LOC128092252: variants seen among roughly 807,000 people sequenced by gnomAD.
At chr15:50,666,032 G>A in the LOC128092252 span, among the ~76,000 whole-genome samples, 2 of 151,798 alleles carry the variant, frequency 1.3e-5, no homozygotes, top group Admixed American at 1.3e-4. Flanking sequence ...AAATTAATGA[G>A]CTAACTCTCG....
the LOC128092252 span, among the ~76,000 whole-genome samples, chr15:50,685,457 AAAAC>A: frequency 2.6e-5 from 4 of 152,266 alleles, no homozygotes; most frequent in Non-Finnish European, 5.9e-5. Context: ...ACCCTGTCTC[AAAAC>A]AAACAAACAA....
the LOC128092252 span, among the ~76,000 whole-genome samples, chr15:50,679,925 G>C: frequency 2.5e-4 from 38 of 152,078 alleles, no homozygotes; most frequent in African/African-American, 9.2e-4. Flanking sequence ...CAGAGTATGT[G>C]TCTCTGCACT....
chr15:50,677,531 A>G, the LOC128092252 span, among the ~76,000 whole-genome samples: 52,995 of 150,962 alleles, frequency 0.35, 10,456 homozygotes, highest in Admixed American at 0.48. Context: ...GCAAGGTCAG[A>G]AGTTTGAGAC....
chr15:50,669,618 T>G, the LOC128092252 span, among the ~76,000 whole-genome samples: 1 of 152,170 alleles, frequency 6.6e-6, no homozygotes, highest in African/African-American at 2.4e-5. Flanking sequence ...TAACTTGTCT[T>G]TAGTAAAAAT....
At chr15:50,684,585 C>A in the LOC128092252 span, among the ~76,000 whole-genome samples, 1 of 151,712 alleles carries the variant, frequency 6.6e-6, no homozygotes, top group Admixed American at 6.6e-5. Flanking sequence ...AGGCTGCAGT[C>A]AGCCGAGATC....
chr15:50,668,340 C>G, the LOC128092252 span, among the ~76,000 whole-genome samples: 1 of 152,094 alleles, frequency 6.6e-6, no homozygotes, highest in African/African-American at 2.4e-5. Context: ...CGTCGCTGAT[C>G]CTTTATTTTG....
chr15:50,671,892 G>T, the LOC128092252 span, among the ~76,000 whole-genome samples: 12 of 152,210 alleles, frequency 7.9e-5, no homozygotes, highest in East Asian at 2.3e-3. Context: ...TTTGATATTG[G>T]TGTAAACAAA....
At chr15:50,672,429 T>C in the LOC128092252 span, among the ~76,000 whole-genome samples, 1 of 151,972 alleles carries the variant, frequency 6.6e-6, no homozygotes, top group East Asian at 1.9e-4. Context: ...CAGAAGGCAC[T>C]GTTATCATAG....
the LOC128092252 span, among the ~76,000 whole-genome samples, chr15:50,653,231 G>A: frequency 6.6e-6 from 1 of 152,172 alleles, no homozygotes; most frequent in East Asian, 1.9e-4. Context: ...TGGGAGCATA[G>A]CTTGAGCCGA....
chr15:50,652,134 A>G, the LOC128092252 span, among the ~76,000 whole-genome samples: 2 of 151,390 alleles, frequency 1.3e-5, no homozygotes, highest in African/African-American at 2.4e-5. Flanking sequence ...GGAGTTCGAG[A>G]CCAGCCTGGC....
At chr15:50,673,197 G>C in the LOC128092252 span, among the ~76,000 whole-genome samples, 20 of 152,186 alleles carry the variant, frequency 1.3e-4, no homozygotes, top group Middle Eastern at 3.4e-3. Context: ...GACTCGCCCA[G>C]AACAACTTCC....
the LOC128092252 span, among the ~76,000 whole-genome samples, chr15:50,683,037 C>G: frequency 6.6e-6 from 1 of 151,882 alleles, no homozygotes; most frequent in African/African-American, 2.4e-5. Flanking sequence ...TGCGCATCAC[C>G]ATGCCCAGCT....
chr15:50,676,253 A>T, the LOC128092252 span, among the ~76,000 whole-genome samples: 7 of 152,210 alleles, frequency 4.6e-5, no homozygotes, highest in Middle Eastern at 3.2e-3. Context: ...GGGGGAAAAA[A>T]TTAAAGATTC....
At chr15:50,662,667 G>C in the LOC128092252 span, among the ~76,000 whole-genome samples, 1 of 152,084 alleles carries the variant, frequency 6.6e-6, no homozygotes, top group Non-Finnish European at 1.5e-5. Context: ...AAAAATAAGA[G>C]AGTCTTAACT....
chr15:50,677,573 T>C, the LOC128092252 span, among the ~76,000 whole-genome samples: 2 of 151,258 alleles, frequency 1.3e-5, no homozygotes, highest in African/African-American at 4.9e-5. Flanking sequence ...ACCCCATCCC[T>C]ACTAAAAACA....
At chr15:50,676,559 T>C in the LOC128092252 span, among the ~76,000 whole-genome samples, 49,888 of 151,624 alleles carry the variant, frequency 0.33, 10,012 homozygotes, top group Admixed American at 0.47. Context: ...TCTCTATCGT[T>C]TAAATTTTTT....
At chr15:50,672,930 A>G in the LOC128092252 span, among the ~76,000 whole-genome samples, 114 of 140,274 alleles carry the variant, frequency 8.1e-4, no homozygotes, top group African/African-American at 2.9e-3. Flanking sequence ...AAAAAAGCTT[A>G]TAGAATAAGT....
At chr15:50,655,452 A>AC in the LOC128092252 span, among the ~76,000 whole-genome samples, 1 of 144,460 alleles carries the variant, frequency 6.9e-6, no homozygotes, top group South Asian at 2.1e-4. Context: ...AAAAAACAAA[A>AC]AAACAAAAAA....
the LOC128092252 span, among the ~76,000 whole-genome samples, chr15:50,677,757 AAAAC>A: frequency 1.1e-4 from 16 of 149,616 alleles, no homozygotes; most frequent in Admixed American, 1.0e-3. Flanking sequence ...AAAAAAAAAA[AAAAC>A]AAAAGGTAAC....
Sources: gnomAD v4.1 joint callset for allele counts (sites outside exome capture counted in the v4.1 genomes callset) on GRCh38, gnomAD v4.1.1 for gene constraint, MANE v1.5 for transcripts.